The following MEIS1 variants were observed in gnomAD, a reference collection of about 807,000 sequenced individuals.
MEIS1 encodes Meis homeobox 1, also known as homeobox protein Meis1.
MEIS1 carries 5 observed loss-of-function variants against 50.8 expected under a neutral mutation model. The observed-to-expected ratio is 0.10, with a 90% CI of 0.05 to 0.21. The LOEUF (loss-of-function observed/expected upper bound fraction) is 0.21. Among genes scored for constraint, MEIS1 ranks in the 10% least tolerant of loss-of-function variants. MEIS1 has a pLI of 1.00. For synonymous variants in MEIS1, 176 were observed against 179.3 expected (o/e 0.98, Z 0.15); for missense variants, 318 against 517.3 (o/e 0.61, Z 3.74).
chr2:66,460,325 A>G (rs1354182883), intron 6 of MEIS1, among the ~76,000 whole-genome samples: 1 of 152,162 alleles, frequency 6.6e-6, no homozygotes, highest in Non-Finnish European at 1.5e-5. Context: ...CTATTTTACT[A>G]CCAGATGCCA....
intron 9 of MEIS1, 25 bp downstream of exon 9, chr2:66,548,044 C>T (rs777025662): frequency 6.2e-7 from 1 of 1,608,914 alleles, no homozygotes; most frequent in East Asian, 2.2e-5. Context: ...TTTGTGTTTA[C>T]ACACAATCTG....
At chr2:66,443,293 C>T (rs765108365) in intron 6 of MEIS1, 3 of 473,118 alleles carry the variant, frequency 6.3e-6, no homozygotes, top group Non-Finnish European at 1.1e-5. Context: ...TGTTTCTTGT[C>T]GCTTTTAATT....
intron 6 of MEIS1, among the ~76,000 whole-genome samples, chr2:66,462,358 A>T (rs1332914023): frequency 6.6e-6 from 1 of 151,988 alleles, no homozygotes; most frequent in Non-Finnish European, 1.5e-5. Context: ...GCAGGATCTC[A>T]TGCATCCTGA....
intron 9 of MEIS1, among the ~76,000 whole-genome samples, chr2:66,556,954 TAAG>T (rs1209854776): frequency 6.6e-6 from 1 of 152,064 alleles, no homozygotes; most frequent in Non-Finnish European, 1.5e-5. Context: ...GCGGGGCACA[TAAG>T]AAGCATGTCA....
At chr2:66,548,891 G>A (rs564456519) in intron 9 of MEIS1, among the ~76,000 whole-genome samples, 1 of 152,278 alleles carries the variant, frequency 6.6e-6, no homozygotes, top group South Asian at 2.1e-4. Flanking sequence ...GCCTGGGCTG[G>A]GGAAGGGGAG....
intron 1 of MEIS1, 76 bp from the exon 2 acceptor site, chr2:66,437,661 A>G (rs1454474754): frequency 7.5e-7 from 1 of 1,341,930 alleles, no homozygotes; most frequent in African/African-American, 1.4e-5. Flanking sequence ...GACCTTATAT[A>G]AGCTCGGTGC....
At chr2:66,536,866 A>C (rs1443119391) in intron 8 of MEIS1, among the ~76,000 whole-genome samples, 5 of 152,318 alleles carry the variant, frequency 3.3e-5, no homozygotes, top group African/African-American at 4.8e-5. Flanking sequence ...AGTGTATATT[A>C]TTTAAAGTGC....
intron 6 of MEIS1, among the ~76,000 whole-genome samples, chr2:66,458,075 C>T (rs764983655): frequency 6.6e-6 from 1 of 152,132 alleles, no homozygotes; most frequent in African/African-American, 2.4e-5. Flanking sequence ...TGCTAACTGA[C>T]ACCTTCACAG....
At chr2:66,510,143 GTTTTC>G (rs1373240391) in intron 7 of MEIS1, among the ~76,000 whole-genome samples, 1 of 152,094 alleles carries the variant, frequency 6.6e-6, no homozygotes, top group African/African-American at 2.4e-5. Flanking sequence ...CTGTTGAGTT[GTTTTC>G]TTTTCTCATG....
At chr2:66,536,855 C>A (rs1479318794) in intron 8 of MEIS1, among the ~76,000 whole-genome samples, 1 of 152,140 alleles carries the variant, frequency 6.6e-6, no homozygotes, top group Non-Finnish European at 1.5e-5. Flanking sequence ...TACATCTCAG[C>A]AGTGTATATT....
intron 8 of MEIS1, among the ~76,000 whole-genome samples, chr2:66,517,184 G>T (rs1673991215): frequency 6.6e-6 from 1 of 152,050 alleles, no homozygotes; most frequent in African/African-American, 2.4e-5. Context: ...AAGGTGGTGG[G>T]GAAGGACAAC....
chr2:66,568,986 T>C (rs1241333250), intron 11 of MEIS1, 64 bp from the exon 12 acceptor site: 3 of 1,456,088 alleles, frequency 2.1e-6, no homozygotes, highest in Non-Finnish European at 2.9e-6. Context: ...TAAGGGTCTT[T>C]TGGCACTATC....
chr2:66,513,327 C>A (rs943028619), intron 8 of MEIS1, among the ~76,000 whole-genome samples: 5 of 152,046 alleles, frequency 3.3e-5, no homozygotes, highest in African/African-American at 9.7e-5. Context: ...TTCCTAAAGT[C>A]AATTTTTCCT....
At chr2:66,495,080 C>CTT (rs70943701) in intron 7 of MEIS1, among the ~76,000 whole-genome samples, 1,191 of 91,412 alleles carry the variant, frequency 0.013, 44 homozygotes, top group Middle Eastern at 0.03. Context: ...CTCTTCTGAC[C>CTT]TTTTTTTTTT....
chr2:66,456,529 G>A (rs1182839719), intron 6 of MEIS1, among the ~76,000 whole-genome samples: 1 of 152,150 alleles, frequency 6.6e-6, no homozygotes, highest in Non-Finnish European at 1.5e-5. Context: ...GAGGGATGCT[G>A]GATTTCCATT....
intron 7 of MEIS1, among the ~76,000 whole-genome samples, chr2:66,466,297 C>T (rs1672633316): frequency 6.6e-6 from 1 of 152,222 alleles, no homozygotes; most frequent in Admixed American, 6.5e-5. Flanking sequence ...TGAATAACTT[C>T]CACTGTCATC....
intron 7 of MEIS1, among the ~76,000 whole-genome samples, chr2:66,485,204 C>T (rs1454757365): frequency 1.3e-5 from 2 of 152,012 alleles, no homozygotes; most frequent in African/African-American, 4.8e-5. Flanking sequence ...ACCCATCAAC[C>T]CATCAACCCA....
At chr2:66,437,540 CT>C in intron 1 of MEIS1, 196 bp from the exon 2 acceptor site, 1 of 605,506 alleles carries the variant, frequency 1.7e-6, no homozygotes, top group South Asian at 2.0e-5. Context: ...CCAGACGAGT[CT>C]CGCTGAGAAT....
chr2:66,497,011 G>A (rs561574607), intron 7 of MEIS1, among the ~76,000 whole-genome samples: 10 of 152,132 alleles, frequency 6.6e-5, no homozygotes, highest in Non-Finnish European at 8.8e-5. Context: ...TACATGCTTC[G>A]GTGTCTCTTT....
Sources: gnomAD v4.1 joint callset for allele counts (sites outside exome capture counted in the v4.1 genomes callset) on GRCh38, gnomAD v4.1.1 for gene constraint, MANE v1.5 for transcripts, NCBI Gene and HGNC (gene_info 2026-07-23, HGNC 2026-07-21) for gene names.